The following RBFOX1 variants were observed in gnomAD, a reference collection of about 807,000 sequenced individuals.
RBFOX1 encodes RNA binding fox-1 homolog 1, also known as RNA binding protein fox-1 homolog 1.
A neutral mutation model predicts 57.7 loss-of-function variants in RBFOX1; 8 were observed. That is an observed-to-expected ratio of 0.14 (90% CI 0.08 to 0.25). RBFOX1 has a LOEUF of 0.25. Among genes scored for constraint, RBFOX1 ranks in the 10% least tolerant of loss-of-function variants. RBFOX1 has a pLI of 1.00. For missense variants in RBFOX1, 611 were observed against 548.5 expected (o/e 1.11, Z -1.14); for synonymous variants, 326 against 222.4 (o/e 1.47, Z -4.15).
intron 4 of RBFOX1, among the ~76,000 whole-genome samples, chr16:7,408,380 C>A (rs1433173738): frequency 1.3e-5 from 2 of 152,110 alleles, no homozygotes; most frequent in Non-Finnish European, 2.9e-5. Flanking sequence ...TAGACTGTGT[C>A]TGAGCACAGT....
intron 3 of RBFOX1, among the ~76,000 whole-genome samples, chr16:6,764,308 C>T (rs949593357): frequency 6.6e-6 from 1 of 152,136 alleles, no homozygotes; most frequent in African/African-American, 2.4e-5. Flanking sequence ...TGATCAAGCT[C>T]AGCAATTTTG....
chr16:6,061,571 T>A (rs984693530), intron 1 of RBFOX1, among the ~76,000 whole-genome samples: 1 of 151,654 alleles, frequency 6.6e-6, no homozygotes, highest in Non-Finnish European at 1.5e-5. Flanking sequence ...TACTATACAC[T>A]ATAGTATATG....
chr16:6,833,982 G>A (rs975131013), intron 3 of RBFOX1, among the ~76,000 whole-genome samples: 6 of 152,118 alleles, frequency 3.9e-5, no homozygotes, highest in Admixed American at 1.3e-4. Context: ...GCACAGTAGG[G>A]TTTGGACTGG....
At chr16:5,780,743 C>G (rs1426233851) in intron 3 of RBFOX1, among the ~76,000 whole-genome samples, 4 of 152,196 alleles carry the variant, frequency 2.6e-5, no homozygotes, top group Non-Finnish European at 4.4e-5. Flanking sequence ...CACTTGAGTA[C>G]AAGATGTACA....
At chr16:5,910,074 A>G (rs1330703199) in intron 4 of RBFOX1, among the ~76,000 whole-genome samples, 1 of 148,734 alleles carries the variant, frequency 6.7e-6, no homozygotes, top group East Asian at 1.9e-4. Context: ...AAAAAACAAA[A>G]AAAAAAGAAA....
intron 4 of RBFOX1, among the ~76,000 whole-genome samples, chr16:7,153,184 G>A (rs997322841): frequency 5.0e-5 from 6 of 120,908 alleles, no homozygotes; most frequent in African/African-American, 1.2e-4. Flanking sequence ...TGTCACTGGT[G>A]GACATAATCA....
intron 2 of RBFOX1, among the ~76,000 whole-genome samples, chr16:5,544,929 T>C (rs1014560306): frequency 7.0e-6 from 1 of 143,614 alleles, no homozygotes; most frequent in African/African-American, 2.6e-5. Flanking sequence ...AATACAGGTA[T>C]AGATGGCCTT....
intron 1 of RBFOX1, among the ~76,000 whole-genome samples, chr16:5,333,044 C>T (rs749830891): frequency 2.6e-5 from 4 of 151,966 alleles, no homozygotes; most frequent in Admixed American, 6.6e-5. Flanking sequence ...AAAAATTAGC[C>T]GGGTGTGGTG....
intron 1 of RBFOX1, among the ~76,000 whole-genome samples, chr16:6,136,077 G>C (rs975258434): frequency 6.6e-6 from 1 of 152,116 alleles, no homozygotes; most frequent in Non-Finnish European, 1.5e-5. Context: ...TTACAGGCTT[G>C]AGCCTCTGTG....
intron 1 of RBFOX1, among the ~76,000 whole-genome samples, chr16:6,033,986 C>G (rs1257126872): frequency 6.6e-6 from 1 of 152,076 alleles, no homozygotes; most frequent in Admixed American, 6.5e-5. Context: ...TTGGAAGTGT[C>G]TTAGTCTAGT....
chr16:6,585,607 G>C (rs969888808), intron 2 of RBFOX1, among the ~76,000 whole-genome samples: 1 of 152,098 alleles, frequency 6.6e-6, no homozygotes, highest in Non-Finnish European at 1.5e-5. Flanking sequence ...TCTTGTGATA[G>C]TGCTGTGTTG....
intron 2 of RBFOX1, among the ~76,000 whole-genome samples, chr16:5,537,499 C>G (rs961468887): frequency 1.3e-5 from 2 of 152,296 alleles, no homozygotes; most frequent in African/African-American, 4.8e-5. Flanking sequence ...GCAGAACTTC[C>G]TTACTGGAGG....
intron 1 of RBFOX1, among the ~76,000 whole-genome samples, chr16:5,342,040 A>G (rs888312478): frequency 1.3e-5 from 2 of 152,226 alleles, no homozygotes; most frequent in Non-Finnish European, 2.9e-5. Context: ...TGGTGGGACA[A>G]TGCTGGTAAA....
At chr16:6,173,536 C>T (rs113239950) in intron 1 of RBFOX1, among the ~76,000 whole-genome samples, 1 of 150,324 alleles carries the variant, frequency 6.7e-6, no homozygotes, top group African/African-American at 2.5e-5. Flanking sequence ...CTACCCAAAT[C>T]GATTGTTCCT....
intron 3 of RBFOX1, among the ~76,000 whole-genome samples, chr16:5,701,919 A>T (rs940295200): frequency 5.3e-5 from 8 of 152,206 alleles, no homozygotes; most frequent in African/African-American, 1.9e-4. Context: ...AAATTCTTCC[A>T]CACAGTATAA....
intron 4 of RBFOX1, chr16:7,510,346 C>G (rs749563738): frequency 5.1e-6 from 5 of 984,858 alleles, no homozygotes; most frequent in African/African-American, 1.7e-5. Flanking sequence ...TAATCTTTCA[C>G]TCAAAATTGC....
At chr16:5,307,090 C>T (rs1596470775) in intron 1 of RBFOX1, among the ~76,000 whole-genome samples, 1 of 152,066 alleles carries the variant, frequency 6.6e-6, no homozygotes, top group Non-Finnish European at 1.5e-5. Flanking sequence ...GCAGGAAAAC[C>T]AAGTAAACCA....
chr16:6,827,445 G>C (rs971788030), intron 3 of RBFOX1, among the ~76,000 whole-genome samples: 24 of 152,260 alleles, frequency 1.6e-4, no homozygotes, highest in African/African-American at 5.5e-4. Flanking sequence ...AATTGATGCA[G>C]TCTCAGTATG....
At chr16:6,909,619 C>A (rs979773573) in intron 3 of RBFOX1, among the ~76,000 whole-genome samples, 1 of 152,230 alleles carries the variant, frequency 6.6e-6, no homozygotes, top group Non-Finnish European at 1.5e-5. Context: ...CAAGCCTGTT[C>A]TCTCTTTTAC....
Sources: allele counts gnomAD v4.1 joint callset (sites outside exome capture counted in the v4.1 genomes callset), GRCh38; gene constraint gnomAD v4.1.1; transcripts MANE v1.5; gene names NCBI Gene and HGNC (gene_info 2026-07-23, HGNC 2026-07-21).